Variants in SLC9D1 observed in about 807,000 individuals in gnomAD.
SLC9D1 encodes solute carrier family 9 member D1.
chr13:113,529,836 C>G, the SLC9D1 span: 1 of 152,100 alleles, frequency 6.6e-6, no homozygotes, highest in Non-Finnish European at 1.5e-5. Flanking sequence ...TGTGAATCCA[C>G]CTGATACCAC....
chr13:113,510,528 T>C, the SLC9D1 span: 142,644 of 1,096,036 alleles, frequency 0.13, 11,565 homozygotes, highest in African/African-American at 0.35. Context: ...CAAAGTCTTA[T>C]TTCCCCTCTT....
the SLC9D1 span, chr13:113,529,649 C>CA: frequency 0.16 from 22,399 of 141,694 alleles, 1,977 homozygotes; most frequent in Admixed American, 0.28. Flanking sequence ...GACTCTATCT[C>CA]AAAAAAAAAA....
chr13:113,513,817 C>G, the SLC9D1 span, among the ~76,000 whole-genome samples: 1 of 152,078 alleles, frequency 6.6e-6, no homozygotes, highest in Non-Finnish European at 1.5e-5. Context: ...ACTGAAGAAA[C>G]TGATCCTAAA....
chr13:113,528,525 C>T, the SLC9D1 span: 1 of 152,304 alleles, frequency 6.6e-6, no homozygotes, highest in Non-Finnish European at 1.5e-5. Context: ...AGGCTAGAGC[C>T]CCAGCTTGGC....
chr13:113,536,568 G>A, the SLC9D1 span: 7 of 985,056 alleles, frequency 7.1e-6, no homozygotes, highest in Non-Finnish European at 8.4e-6. Flanking sequence ...GTCTTATCTG[G>A]ACAACTTCCG....
chr13:113,548,209 C>T, the SLC9D1 span: 101 of 1,423,586 alleles, frequency 7.1e-5, 1 homozygote, highest in East Asian at 1.3e-3. Context: ...ACCATCGCAG[C>T]GTGCCTGTGG....
chr13:113,501,938 C>G, the SLC9D1 span: 1 of 1,371,476 alleles, frequency 7.3e-7, no homozygotes, highest in African/African-American at 1.4e-5. Flanking sequence ...AAAGAGAATT[C>G]ATGAAGACTA....
chr13:113,504,223 G>A, the SLC9D1 span: 2 of 152,140 alleles, frequency 1.3e-5, no homozygotes, highest in African/African-American at 4.8e-5. Context: ...CTGTATTTTT[G>A]GGGTTTTTTT....
the SLC9D1 span, among the ~76,000 whole-genome samples, chr13:113,492,853 A>G: frequency 2.0e-5 from 3 of 152,176 alleles, no homozygotes; most frequent in African/African-American, 7.2e-5. Context: ...AGCTGAGATC[A>G]CAACACTGCA....
the SLC9D1 span, chr13:113,539,510 A>T: frequency 6.2e-7 from 1 of 1,611,154 alleles, no homozygotes; most frequent in Non-Finnish European, 8.5e-7. The surrounding 1 kb of genome is among the most constrained non-coding windows in gnomAD (Gnocchi z 4.8). Context: ...CTCCATAGGT[A>T]ATCTTCCTTC....
At chr13:113,495,732 C>A in the SLC9D1 span, 1 of 1,613,876 alleles carries the variant, frequency 6.2e-7, no homozygotes, top group Non-Finnish European at 8.5e-7. Flanking sequence ...GCAGTGGGTC[C>A]GGGACAGCTG....
the SLC9D1 span, among the ~76,000 whole-genome samples, chr13:113,497,867 C>T: frequency 6.6e-6 from 1 of 152,226 alleles, no homozygotes; most frequent in Non-Finnish European, 1.5e-5. Context: ...TTGCCAGCAT[C>T]ATCCATCAGT....
At chr13:113,496,019 A>G in the SLC9D1 span, 3 of 1,607,522 alleles carry the variant, frequency 1.9e-6, no homozygotes, top group East Asian at 6.7e-5. Flanking sequence ...GAGAGGCTGC[A>G]ATAAAGGTCA....
the SLC9D1 span, among the ~76,000 whole-genome samples, chr13:113,543,526 T>C: frequency 2.2e-4 from 4 of 18,054 alleles, no homozygotes; most frequent in Admixed American, 1.6e-3. Flanking sequence ...TGACCCCCAC[T>C]TCCTCCCCCC....
chr13:113,517,471 G>A, the SLC9D1 span, among the ~76,000 whole-genome samples: 28 of 152,112 alleles, frequency 1.8e-4, no homozygotes, highest in Admixed American at 6.5e-4. Flanking sequence ...CTCGTGATCC[G>A]CCCGCCTTGG....
chr13:113,515,890 CAAAAA>C, the SLC9D1 span, among the ~76,000 whole-genome samples: 13 of 79,070 alleles, frequency 1.6e-4, no homozygotes, highest in Non-Finnish European at 2.6e-4. Flanking sequence ...GACTCCGTCC[CAAAAA>C]AAAAAAAAAA....
chr13:113,493,046 A>G, the SLC9D1 span, among the ~76,000 whole-genome samples: 1 of 152,240 alleles, frequency 6.6e-6, no homozygotes, highest in South Asian at 2.1e-4. Context: ...TTTGAAGATA[A>G]AATGAAATGA....
At chr13:113,541,376 C>T in the SLC9D1 span, among the ~76,000 whole-genome samples, 7 of 146,778 alleles carry the variant, frequency 4.8e-5, no homozygotes, top group East Asian at 2.0e-4. Context: ...TTTATTACTG[C>T]CCAGATGTGT....
chr13:113,550,076 G>A, the SLC9D1 span: 5,851 of 168,834 alleles, frequency 0.035, 296 homozygotes, highest in African/African-American at 0.12. Context: ...GCCTTTTATT[G>A]TAACTTTTAA....
Sources: gnomAD v4.1 joint callset for allele counts (sites outside exome capture counted in the v4.1 genomes callset) on GRCh38, gnomAD v4.1.1 for gene constraint, Gnocchi (gnomAD v3.1) non-coding constraint, MANE v1.5 for transcripts, NCBI Gene and HGNC (gene_info 2026-07-23, HGNC 2026-07-21) for gene names.